SGCD: variants seen among roughly 807,000 people sequenced by gnomAD.
SGCD encodes sarcoglycan delta, also known as delta-sarcoglycan.
Under a neutral mutation model 36.6 loss-of-function variants are expected in SGCD, and 18 were observed. The observed-to-expected ratio is 0.49, with a 90% CI of 0.34 to 0.73. SGCD has a LOEUF of 0.73. SGCD is among the 30% of genes least tolerant of loss of function. The pLI is 0.01. For synonymous variants in SGCD, 133 were observed against 130.6 expected (o/e 1.02, Z -0.12); for missense variants, 387 against 346.7 (o/e 1.12, Z -0.92).
chr5:155,743,820 A>G, the SGCD span, among the ~76,000 whole-genome samples: 31 of 152,320 alleles, frequency 2.0e-4, 1 homozygote, highest in East Asian at 5.2e-3. Context: ...TCTAACTGCA[A>G]ATACCCATAT....
rs1028191951 is a variant in SGCD at position 155,918,641 on chromosome 5, C to A, written c.-282+48217C>A. On this transcript the variant is annotated intron_variant, in intron 1 of 9. Transcript: ENST00000517913. ...TGTGGGGCCACATATTTCTAGAACACCAAACTTGACCTCTCTACTTTATCA... is the reference window on the plus strand; with the variant it reads ...TGTGGGGCCACATATTTCTAGAACAACAAACTTGACCTCTCTACTTTATCA... 3.9e-5 allele frequency among the ~76,000 whole-genome samples: 6 copies of A among 152,302 alleles called. No individual in the cohort carries two copies. The South Asian group carries it at 1.2e-3, about 32-fold the overall frequency.
chr5:156,049,321 T>G (rs928987080), intron 1 of SGCD, among the ~76,000 whole-genome samples: 1 of 145,806 alleles, frequency 6.9e-6, no homozygotes, highest in Non-Finnish European at 1.5e-5. Flanking sequence ...CTTTTTTGGT[T>G]CCATATGAAC....
chr5:156,495,158 A>G (rs1018084301), intron 3 of SGCD, among the ~76,000 whole-genome samples: 3 of 152,110 alleles, frequency 2.0e-5, no homozygotes, highest in African/African-American at 7.2e-5. Context: ...TAGAGCTTAC[A>G]AGTGCAAGCA....
At chr5:156,238,884 T>C (rs543134896) in intron 3 of SGCD, among the ~76,000 whole-genome samples, 3 of 152,158 alleles carry the variant, frequency 2.0e-5, no homozygotes, top group Admixed American at 2.0e-4. Context: ...ATTAAACTTA[T>C]GGAAGAATTC....
intron 3 of SGCD, among the ~76,000 whole-genome samples, chr5:156,296,157 C>T (rs986950567): frequency 1.3e-5 from 2 of 152,136 alleles, no homozygotes; most frequent in Non-Finnish European, 2.9e-5. Flanking sequence ...GAAAGGTGAT[C>T]ACTCTGTTAT....
intron 3 of SGCD, among the ~76,000 whole-genome samples, chr5:156,250,302 G>T (rs961663604): frequency 6.6e-6 from 1 of 152,204 alleles, no homozygotes; most frequent in Non-Finnish European, 1.5e-5. Flanking sequence ...GAAAGGATGA[G>T]TGATGGTTAT....
intron 1 of SGCD, among the ~76,000 whole-genome samples, chr5:155,962,607 G>C (rs1428607831): frequency 6.6e-6 from 1 of 152,084 alleles, no homozygotes; most frequent in East Asian, 1.9e-4. Flanking sequence ...GCTGAGTGTG[G>C]CAAGACTGAA....
intron 1 of SGCD, among the ~76,000 whole-genome samples, chr5:156,097,075 T>G (rs1293097516): frequency 6.6e-6 from 1 of 152,126 alleles, no homozygotes; most frequent in African/African-American, 2.4e-5. Flanking sequence ...TTATTTAAAT[T>G]GGCTTTTCCC....
At chr5:156,757,854 A>T in intron 8 of SGCD, 150 bp downstream of exon 8, 3 of 1,340,478 alleles carry the variant, frequency 2.2e-6, no homozygotes, top group Non-Finnish European at 2.9e-6. Flanking sequence ...ATTGAGCAGC[A>T]TGATTATAAG....
At chr5:155,785,986 C>T in the SGCD span, among the ~76,000 whole-genome samples, 1 of 152,060 alleles carries the variant, frequency 6.6e-6, no homozygotes, top group South Asian at 2.1e-4. Flanking sequence ...ACTAATGTTA[C>T]GTTGGGGTAT....
intron 3 of SGCD, among the ~76,000 whole-genome samples, chr5:156,287,627 TTGTGTGTG>T (rs70982002): frequency 9.6e-4 from 140 of 146,388 alleles, no homozygotes; most frequent in South Asian, 4.4e-3. Context: ...TTCCGTTTCT[TTGTGTGTG>T]TGTGTGTGTG....
chr5:156,511,941 A>G (rs1756947689), intron 4 of SGCD, among the ~76,000 whole-genome samples: 1 of 152,174 alleles, frequency 6.6e-6, no homozygotes, highest in African/African-American at 2.4e-5. Context: ...CATGCCTGTA[A>G]TCCCAACACT....
intron 1 of SGCD, among the ~76,000 whole-genome samples, chr5:156,110,714 G>T (rs1335766411): frequency 6.6e-6 from 1 of 151,444 alleles, no homozygotes; most frequent in African/African-American, 2.4e-5. Context: ...TTAATATAAT[G>T]ATTTGTTCCA....
intron 6 of SGCD, among the ~76,000 whole-genome samples, chr5:156,639,116 A>G (rs1762935140): frequency 6.6e-6 from 1 of 151,864 alleles, no homozygotes; most frequent in Non-Finnish European, 1.5e-5. Flanking sequence ...ACACTTTAAT[A>G]TATATGTAAT....
At chr5:156,082,115 T>G (rs2127591790) in intron 1 of SGCD, among the ~76,000 whole-genome samples, 1 of 152,260 alleles carries the variant, frequency 6.6e-6, no homozygotes, top group South Asian at 2.1e-4. Context: ...TGAGTTTAAT[T>G]AATGAAAAAT....
chr5:156,299,475 G>A (rs555385663), intron 3 of SGCD, among the ~76,000 whole-genome samples: 24 of 152,060 alleles, frequency 1.6e-4, no homozygotes, highest in East Asian at 9.7e-4. Flanking sequence ...GAAGAATGTC[G>A]TTGGTATTTT....
chr5:156,591,760 C>T (rs1760729692), intron 5 of SGCD, among the ~76,000 whole-genome samples: 2 of 152,142 alleles, frequency 1.3e-5, no homozygotes, highest in Non-Finnish European at 1.5e-5. Flanking sequence ...ACAATGAGTT[C>T]AACATGTGAC....
chr5:156,454,273 A>G (rs993431203), intron 3 of SGCD, among the ~76,000 whole-genome samples: 6 of 152,206 alleles, frequency 3.9e-5, no homozygotes, highest in Non-Finnish European at 7.3e-5. Flanking sequence ...ACCTTGTTAT[A>G]TCAGTGAGGG....
chr5:156,185,381 A>T lies in SGCD; in HGVS notation c.-44+61362A>T, dbSNP rs907606884. On this transcript the variant is annotated intron_variant, in intron 3 of 9. Transcript: ENST00000517913. ...AGGCGCCCGCCACCATGCCCGGCAA[A>T]TTTTTTGTATTTTTAGCAGAGACGG... Among the ~76,000 whole-genome samples, 14 of 151,662 alleles carry T rather than the reference A, an allele frequency of 9.2e-5. 1 individual carries two copies. The highest frequency in any genetic ancestry group is 1.8e-4 in the Non-Finnish European group (12 of 67,876).
Sources: allele counts gnomAD v4.1 joint callset (sites outside exome capture counted in the v4.1 genomes callset), GRCh38; gene constraint gnomAD v4.1.1; transcripts MANE v1.5; gene names NCBI Gene and HGNC (gene_info 2026-07-23, HGNC 2026-07-21).